The following CLEC1B variants were observed in gnomAD, a reference collection of about 807,000 sequenced individuals.
CLEC1B encodes the protein C-type lectin domain family 1 member B.
Under a neutral mutation model 26.7 loss-of-function variants are expected in CLEC1B, and 26 were observed. That is an observed-to-expected ratio of 0.97 (90% CI 0.71 to 1.35). The LOEUF is 1.35. CLEC1B is among the 40% of genes most tolerant of loss of function. The pLI is 0.00. For synonymous variants in CLEC1B, 112 were observed against 96.0 expected, an observed-to-expected ratio of 1.17 and a Z score of -0.97; for missense variants, 293 against 282.6, an observed-to-expected ratio of 1.04 and a Z score of -0.26.
intron 5 of CLEC1B, among the ~76,000 whole-genome samples, chr12:9,994,135 G>A (rs1021020678): frequency 2.0e-5 from 3 of 152,158 alleles, no homozygotes; most frequent in Non-Finnish European, 4.4e-5. Context: ...AAGAAGTGAT[G>A]TTTAAATAGA....
chr12:9,996,091 G>A (rs921817946), intron 4 of CLEC1B, among the ~76,000 whole-genome samples: 2 of 152,128 alleles, frequency 1.3e-5, no homozygotes, highest in African/African-American at 4.8e-5. Flanking sequence ...AAAATGACTT[G>A]AGCTTCTTGA....
chr12:9,999,900 G>C (rs1865135314), upstream of CLEC1B, among the ~76,000 whole-genome samples: 1 of 152,186 alleles, frequency 6.6e-6, no homozygotes, highest in South Asian at 2.1e-4. Context: ...ATTTGAGACT[G>C]AATGGTTCCT....
chr12:9,998,682 C>T (rs952423527), intron 1 of CLEC1B, among the ~76,000 whole-genome samples: 26 of 134,030 alleles, frequency 1.9e-4, no homozygotes, highest in African/African-American at 6.9e-4. Flanking sequence ...TTGTTTTATG[C>T]TCACCCATGC....
intron 4 of CLEC1B, among the ~76,000 whole-genome samples, chr12:9,996,132 C>T (rs1440829095): frequency 6.6e-6 from 1 of 152,138 alleles, no homozygotes; most frequent in African/African-American, 2.4e-5. Flanking sequence ...TGGCATTCCA[C>T]AGGAGATATT....
chr12:9,994,923 G>C (rs1591848813), intron 5 of CLEC1B: 1 of 1,238,118 alleles, frequency 8.1e-7, no homozygotes, highest in East Asian at 3.3e-5. Flanking sequence ...AATAATATCA[G>C]AGATAAAGGT....
chr12:9,998,914 G>A (rs1865118782), intron 1 of CLEC1B, 123 bp downstream of exon 1: 1 of 607,852 alleles, frequency 1.6e-6, no homozygotes, highest in South Asian at 2.5e-5. Flanking sequence ...ATGCTTTAGA[G>A]CATTAACATC....
chr12:9,994,016 A>G (rs1290619492), intron 5 of CLEC1B, among the ~76,000 whole-genome samples: 2 of 152,118 alleles, frequency 1.3e-5, no homozygotes, highest in African/African-American at 2.4e-5. Context: ...AAAATAGACA[A>G]GAAAAATTGA....
At chr12:9,998,602 A>G (rs544646681) in intron 1 of CLEC1B, among the ~76,000 whole-genome samples, 1 of 136,634 alleles carries the variant, frequency 7.3e-6, no homozygotes, top group South Asian at 2.2e-4. Context: ...TACCTCTCCA[A>G]GCTGAAATAT....
At chr12:9,998,763 T>A (rs369067480) in intron 1 of CLEC1B, among the ~76,000 whole-genome samples, 18 of 152,250 alleles carry the variant, frequency 1.2e-4, no homozygotes, top group East Asian at 9.7e-4. Context: ...AAAATGAAAT[T>A]TCCACTCTTT....
At chr12:9,994,788 A>T (rs1415978937) in intron 5 of CLEC1B, among the ~76,000 whole-genome samples, 1 of 151,986 alleles carries the variant, frequency 6.6e-6, no homozygotes, top group Non-Finnish European at 1.5e-5. Context: ...TGTGAAGATA[A>T]TCAGAACAAG....
At chr12:9,999,170 T>G, upstream of CLEC1B, 1 of 946,434 alleles carries the variant, frequency 1.1e-6, no homozygotes, top group Non-Finnish European at 1.7e-6. Flanking sequence ...AACTTTACAA[T>G]TTCAGTATCT....
intron 5 of CLEC1B, among the ~76,000 whole-genome samples, chr12:9,993,690 A>G (rs527549445): frequency 1.3e-5 from 2 of 152,214 alleles, no homozygotes; most frequent in African/African-American, 4.8e-5. Flanking sequence ...GCTGCACTAG[A>G]TGGGAATACG....
rs1035753548 is a variant in CLEC1B, at chr12:9,993,238, G to C, written c.595C>G (p.His199Asp). 1 of 1,612,688 alleles carries C rather than the reference G, an allele frequency of 6.2e-7. No individual in the cohort carries two copies. Among genetic ancestry groups the C allele is most frequent in the Non-Finnish European group, 8.5e-7 (1 of 1,178,914 alleles). The change falls in exon 6 of 6, where the codon CAT (histidine) becomes GAT (aspartate). Residue 199 changes from histidine to aspartate, a missense_variant. His to Asp is a moderately conservative substitution (Grantham distance 81). Transcript: ENST00000298527. Reference protein sequence around the residue: ...GKGNMNCAYFHNGKMHPTFCE... With the variant: ...GKGNMNCAYFDNGKMHPTFCE... ...AAGGTAGGGTGCATTTTCCCATTAT[G>C]AAAATAAGCACAATTCATATTTCCT...
At chr12:10,001,135 T>A (rs1213530453), upstream of CLEC1B, among the ~76,000 whole-genome samples, 1 of 152,248 alleles carries the variant, frequency 6.6e-6, no homozygotes, top group African/African-American at 2.4e-5. Context: ...AAACATTTTT[T>A]GTTTATTAAC....
Position 9,998,921 on chromosome 12 carries a change from C to G in CLEC1B, c.64+116G>C, listed in dbSNP as rs1015720243. 3.5e-5 allele frequency: 22 copies of G among 630,250 alleles called. No homozygotes were observed. The Admixed American group carries it at 3.8e-4, about 11-fold the overall frequency. 39.0% of individuals were successfully genotyped at this position (630,250 alleles called of 1,614,324 possible). On this transcript the variant is annotated intron_variant, in intron 1 of 5. Coordinates refer to ENST00000298527, the MANE Select transcript of CLEC1B (RefSeq NM_016509.4). ...CTACTCAAATGCTTTAGAGCATTAA[C>G]ATCATTCAAGAAAAAGAAATTAAAC... is the stretch of plus-strand genomic sequence containing the variant.
At chr12:9,995,781 T>C (rs1865029292) in intron 4 of CLEC1B, 1 of 189,232 alleles carries the variant, frequency 5.3e-6, no homozygotes, top group African/African-American at 2.4e-5. Flanking sequence ...CCTTTCCCTA[T>C]TTACTTTCTT....
chr12:10,000,963 G>C (rs1016442522), upstream of CLEC1B, among the ~76,000 whole-genome samples: 7 of 152,150 alleles, frequency 4.6e-5, no homozygotes, highest in African/African-American at 1.7e-4. Context: ...AGAGAGAAAA[G>C]AAAATGTGTG....
Position 9,996,951 on chromosome 12 carries a change from A to T in CLEC1B, c.333T>A (p.Asp111Glu). ...PCDTNWRYYGDSCYGFFRHNL... is the reference protein window; with the variant it reads ...PCDTNWRYYGESCYGFFRHNL... ...TGTGCCTGAAGAACCCATAGCAGCT[A>T]TCTCCATAATATCTCCAGTTTGTGT... The change falls in exon 4 of 6, where the codon GAT (aspartate) becomes GAA (glutamate). Residue 111 changes from aspartate to glutamate, a missense_variant. Asp to Glu is a conservative substitution (Grantham distance 45). Transcript: ENST00000298527. 1 of 1,614,108 alleles carries T rather than the reference A, an allele frequency of 6.2e-7. No homozygotes were observed. Among genetic ancestry groups the T allele is most frequent in the Non-Finnish European group, 8.5e-7 (1 of 1,180,000 alleles).
intron 5 of CLEC1B, 108 bp from the exon 6 acceptor site, chr12:9,993,395 G>GT: frequency 1.4e-5 from 8 of 588,746 alleles, no homozygotes; most frequent in Non-Finnish European, 1.8e-5. Flanking sequence ...GAGGAAAATA[G>GT]GAAAAAAAAA....
Sources: allele counts gnomAD v4.1 joint callset (sites outside exome capture counted in the v4.1 genomes callset), GRCh38; gene constraint gnomAD v4.1.1; transcripts MANE v1.5; gene names NCBI Gene and HGNC (gene_info 2026-07-23, HGNC 2026-07-21).